The following NTN1 variants were observed in gnomAD, a reference collection of about 807,000 sequenced individuals.
The protein encoded by NTN1 is netrin-1.
NTN1 carries 11 observed loss-of-function variants against 54.2 expected under a neutral mutation model. The observed-to-expected ratio is 0.20, with a 90% CI of 0.13 to 0.34. NTN1 has a LOEUF of 0.34. Ranked by LOEUF, NTN1 falls within the 10% of genes least tolerant of loss-of-function variation. The pLI is 1.00. For synonymous variants in NTN1, 371 were observed against 382.0 expected (o/e 0.97, Z 0.33); for missense variants, 740 against 893.1 (o/e 0.83, Z 2.18).
In NTN1 at chr17:9,212,847, G is replaced by A. The variant is rs1005412314; in HGVS notation, c.1412-8321G>A. On this transcript the variant is annotated intron_variant, in intron 5 of 6. Coordinates refer to ENST00000173229, the MANE Select transcript of NTN1 (RefSeq NM_004822.3). This position sits in a 1 kb window ranked among gnomAD's most constrained non-coding sequence, Gnocchi z 5.5. Reference sequence around the variant, plus strand: ...AGAGCGAGACCTTTGCCAGCTCCCCGCCCTGCTCCAAGGGGAGGTGCCAGA... The same window carrying A: ...AGAGCGAGACCTTTGCCAGCTCCCCACCCTGCTCCAAGGGGAGGTGCCAGA... Among the ~76,000 whole-genome samples the A allele has an allele frequency of 6.6e-6, 1 of 152,206 alleles. No homozygotes were observed. Among genetic ancestry groups the A allele is most frequent in the African/African-American group, 2.4e-5 (1 of 41,454 alleles).
chr17:9,116,000 C>G (rs2092210855), intron 2 of NTN1, among the ~76,000 whole-genome samples: 1 of 152,260 alleles, frequency 6.6e-6, no homozygotes, highest in Non-Finnish European at 1.5e-5. Context: ...TTCTTTCAAC[C>G]TCTCTGCATT....
Position 9,113,652 on chromosome 17 carries a change from G to A in NTN1, c.1019-49161G>A, listed in dbSNP as rs543231415. Reference sequence around the variant, plus strand: ...GACTTTGCTCAGGAGAGGACAGTCCGAGACTAGAAGGCAGCAGAATGAGAT... The same window carrying A: ...GACTTTGCTCAGGAGAGGACAGTCCAAGACTAGAAGGCAGCAGAATGAGAT... On this transcript the variant is annotated intron_variant, in intron 2 of 6. Transcript: ENST00000173229. Among the ~76,000 whole-genome samples, 122 of 152,188 alleles carry A rather than the reference G, an allele frequency of 8.0e-4. 1 individual carries two copies. Among genetic ancestry groups the A allele is most frequent in the East Asian group, 5.8e-4 (3 of 5,172 alleles).
intron 5 of NTN1, among the ~76,000 whole-genome samples, chr17:9,193,154 A>G (rs1454455321): frequency 6.6e-6 from 1 of 152,140 alleles, no homozygotes; most frequent in African/African-American, 2.4e-5. Context: ...GACCATGTTA[A>G]AAAAGGACTG....
At chr17:9,213,163 C>T (rs1271057634) in intron 5 of NTN1, among the ~76,000 whole-genome samples, 3 of 152,168 alleles carry the variant, frequency 2.0e-5, no homozygotes, top group Non-Finnish European at 4.4e-5. Context: ...GGATGCCAGC[C>T]AGCCAGGATG....
chr17:9,215,820 GA>G (rs1203285556), intron 5 of NTN1, among the ~76,000 whole-genome samples: 2 of 152,064 alleles, frequency 1.3e-5, no homozygotes, highest in South Asian at 2.1e-4. Flanking sequence ...TTGATTTTTG[GA>G]AAACTTCAGT....
intron 2 of NTN1, among the ~76,000 whole-genome samples, chr17:9,026,390 C>CTG (rs1759095943): frequency 1.1e-5 from 1 of 88,428 alleles, no homozygotes; most frequent in African/African-American, 4.3e-5. Flanking sequence ...TGGATTTCTT[C>CTG]CGGGGGGGGG....
chr17:9,122,424 A>G (rs1262728872), intron 2 of NTN1, among the ~76,000 whole-genome samples: 2 of 152,166 alleles, frequency 1.3e-5, no homozygotes, highest in Middle Eastern at 3.2e-3. Flanking sequence ...GGTGACTTGA[A>G]TGAGAGGCTT....
chr17:9,199,840 C>T (rs555267352), intron 5 of NTN1, among the ~76,000 whole-genome samples: 71 of 152,328 alleles, frequency 4.7e-4, no homozygotes, highest in Admixed American at 1.7e-3. Flanking sequence ...GGGACATCTG[C>T]GGCCACCTGT....
At chr17:9,068,509 T>C (rs1295895407) in intron 2 of NTN1, among the ~76,000 whole-genome samples, 1 of 144,308 alleles carries the variant, frequency 6.9e-6, no homozygotes, top group Admixed American at 7.0e-5. Flanking sequence ...TGTGTATGTG[T>C]GAATTTTTTT....
chr17:9,209,672 C>T (rs1231621794), intron 5 of NTN1, among the ~76,000 whole-genome samples: 3 of 152,182 alleles, frequency 2.0e-5, no homozygotes, highest in Non-Finnish European at 2.9e-5. Flanking sequence ...GGCACCAGGG[C>T]CCCCTCTGAC....
chr17:9,176,786 C>T (rs2092401248), intron 3 of NTN1: 1 of 152,154 alleles, frequency 6.6e-6, no homozygotes, highest in Non-Finnish European at 1.5e-5. Flanking sequence ...ACAAAGGGGG[C>T]CATTTAGAAA....
intron 3 of NTN1, chr17:9,176,819 G>A (rs1321100428): frequency 6.6e-6 from 1 of 152,186 alleles, no homozygotes; most frequent in Non-Finnish European, 1.5e-5. Flanking sequence ...CAGAGATCCA[G>A]GCTCTTTCCA....
rs925828154 is a variant in NTN1, at chr17:9,240,064, G to A, written c.*96G>A. On this transcript the variant is annotated 3_prime_UTR_variant, in exon 7 of 7. Coordinates refer to ENST00000173229, the MANE Select transcript of NTN1 (RefSeq NM_004822.3). ...GGCCGCCGCGGACTTGGCCCGCGAG[G>A]GCTTTCCCAGGTGGGGGGAGGGAGG... 1.0e-5 allele frequency: 5 copies of A among 479,184 alleles called. No individual in the cohort carries two copies. Among genetic ancestry groups the A allele is most frequent in the Non-Finnish European group, 1.4e-5 (5 of 353,904 alleles). 29.7% of individuals were successfully genotyped at this position (479,184 alleles called of 1,614,324 possible). A position where few individuals can be genotyped will look rare whatever the true frequency, so the allele number is the denominator to read the frequency against.
At chr17:9,018,403 G>A (rs111751681), upstream of NTN1, among the ~76,000 whole-genome samples, 1,290 of 152,062 alleles carry the variant, frequency 8.5e-3, 8 homozygotes, top group Middle Eastern at 0.034. Flanking sequence ...AGGCCGAGGC[G>A]GGCAGATCAC....
chr17:9,100,526 C>T (rs368799079), intron 2 of NTN1, among the ~76,000 whole-genome samples: 16 of 151,528 alleles, frequency 1.1e-4, no homozygotes, highest in Non-Finnish European at 4.4e-5. Context: ...TGGTCTCGAT[C>T]GCTTGACCTC....
chr17:9,020,742 A>C (rs1314668302), upstream of NTN1, among the ~76,000 whole-genome samples: 2 of 152,164 alleles, frequency 1.3e-5, no homozygotes, highest in African/African-American at 4.8e-5. Flanking sequence ...GGCTGTCCCC[A>C]TGCCTGAGAC....
chr17:9,221,193 C>G lies in NTN1; in HGVS notation c.1437C>G (p.Ser479=). Residue 479 remains serine (S), a synonymous_variant, in exon 6 of 7, where the codon TCC becomes TCG. Coordinates refer to ENST00000173229, the MANE Select transcript of NTN1 (RefSeq NM_004822.3). This position sits in a 1 kb window ranked among gnomAD's most constrained non-coding sequence, Gnocchi z 4.5. ...PEDCDSYCKA[S]KGKLKINMKK... Reference sequence around the variant, plus strand: ...ACTGCGATTCCTACTGCAAGGCCTCCAAGGGGAAGCTGAAGATTAACATGA... The same window carrying G: ...ACTGCGATTCCTACTGCAAGGCCTCGAAGGGGAAGCTGAAGATTAACATGA... 1 of 1,612,684 alleles carries G rather than the reference C, an allele frequency of 6.2e-7. No individual in the cohort carries two copies. Among genetic ancestry groups the G allele is most frequent in the South Asian group, 1.1e-5 (1 of 91,002 alleles).
intron 2 of NTN1, among the ~76,000 whole-genome samples, chr17:9,095,606 A>T (rs184061403): frequency 2.6e-5 from 4 of 152,236 alleles, no homozygotes. Context: ...CACTGTTTTA[A>T]TATTTTAATC....
intron 5 of NTN1, among the ~76,000 whole-genome samples, chr17:9,186,531 C>T (rs967505291): frequency 1.2e-4 from 19 of 152,110 alleles, no homozygotes; most frequent in African/African-American, 3.4e-4. Context: ...CTCACCCCAT[C>T]GGGGCCTTAC....
Sources: gnomAD v4.1 joint callset for allele counts (sites outside exome capture counted in the v4.1 genomes callset) on GRCh38, gnomAD v4.1.1 for gene constraint, Gnocchi (gnomAD v3.1) non-coding constraint, MANE v1.5 for transcripts, NCBI Gene and HGNC (gene_info 2026-07-23, HGNC 2026-07-21) for gene names.